Variants in UNC5D observed in about 807,000 individuals in gnomAD.
UNC5D encodes the protein unc-5 netrin receptor D.
UNC5D carries 39 observed loss-of-function variants against 105.4 expected under a neutral mutation model. The ratio of observed to expected loss-of-function variants is 0.37; its 90% CI spans 0.29 to 0.48. The LOEUF (loss-of-function observed/expected upper bound fraction) is 0.48. Ranked by LOEUF, UNC5D falls within the 20% of genes least tolerant of loss-of-function variation. The pLI, the probability that UNC5D is intolerant of heterozygous loss-of-function variation, is 0.98. For missense variants in UNC5D, 991 were observed against 1,202.4 expected (o/e 0.82, Z 2.60); for synonymous variants, 452 against 450.4 (o/e 1.00, Z -0.04).
chr8:35,305,718 T>C (rs1808348911), intron 1 of UNC5D, among the ~76,000 whole-genome samples: 1 of 148,938 alleles, frequency 6.7e-6, no homozygotes. Context: ...TGACTCCCTC[T>C]CTTTCTCTTT....
At chr8:35,457,314 G>T (rs1808561720) in intron 1 of UNC5D, among the ~76,000 whole-genome samples, 2 of 152,216 alleles carry the variant, frequency 1.3e-5, no homozygotes, top group South Asian at 2.1e-4. Context: ...CAGACTAGAG[G>T]CTCTCCTAGT....
intron 4 of UNC5D, among the ~76,000 whole-genome samples, chr8:35,667,353 G>A (rs1437980448): frequency 6.6e-6 from 1 of 152,166 alleles, no homozygotes; most frequent in East Asian, 1.9e-4. Context: ...AAGGCTGATG[G>A]CGTGGCCATT....
At chr8:35,628,144 T>C (rs899286176) in intron 4 of UNC5D, among the ~76,000 whole-genome samples, 15 of 151,842 alleles carry the variant, frequency 9.9e-5, no homozygotes, top group African/African-American at 3.4e-4. Context: ...TACTTACTTA[T>C]TTTTTTTGAG....
intron 1 of UNC5D, among the ~76,000 whole-genome samples, chr8:35,466,247 G>C (rs922638208): frequency 6.6e-6 from 1 of 152,150 alleles, no homozygotes; most frequent in Non-Finnish European, 1.5e-5. Context: ...TCAAGGTCCA[G>C]TACTAATATC....
intron 7 of UNC5D, among the ~76,000 whole-genome samples, chr8:35,704,753 C>T (rs1397265650): frequency 6.6e-6 from 1 of 152,072 alleles, no homozygotes; most frequent in Non-Finnish European, 1.5e-5. Context: ...TTGTGTGAGC[C>T]TGAGATGGAC....
intron 1 of UNC5D, among the ~76,000 whole-genome samples, chr8:35,503,230 C>T (rs1164598628): frequency 6.6e-6 from 1 of 152,036 alleles, no homozygotes; most frequent in Admixed American, 6.6e-5. Flanking sequence ...TGTATTAGTC[C>T]GTTTTCATGC....
Position 35,567,098 on chromosome 8 carries a change from A to C in UNC5D, c.323-1000A>C, listed in dbSNP as rs566670410. 1.8e-4 allele frequency among the ~76,000 whole-genome samples: 28 copies of C among 152,128 alleles called. 2 individuals carry two copies. In the South Asian group the frequency reaches 5.6e-3, roughly 30 times the overall value. ...AACAAAAAAAAAAAAAACCATTAAAAGGTTGTGGTCTTAATAGCTGCATCT... is the reference window on the plus strand; with the variant it reads ...AACAAAAAAAAAAAAAACCATTAAACGGTTGTGGTCTTAATAGCTGCATCT... On this transcript the variant is annotated intron_variant, in intron 2 of 16. Coordinates refer to ENST00000404895, the MANE Select transcript of UNC5D (RefSeq NM_080872.4).
chr8:35,387,108 C>T (rs1238361937), intron 1 of UNC5D, among the ~76,000 whole-genome samples: 1 of 151,748 alleles, frequency 6.6e-6, no homozygotes, highest in Non-Finnish European at 1.5e-5. Context: ...CACCTGTAAT[C>T]CCAGCACTTT....
chr8:35,560,512 C>A (rs1262943423), intron 2 of UNC5D, among the ~76,000 whole-genome samples: 1 of 152,044 alleles, frequency 6.6e-6, no homozygotes, highest in Non-Finnish European at 1.5e-5. Flanking sequence ...GTATGTATAT[C>A]ATTTGATCAG....
intron 13 of UNC5D, among the ~76,000 whole-genome samples, chr8:35,756,479 C>T (rs1830525204): frequency 1.3e-5 from 2 of 149,320 alleles, no homozygotes; most frequent in Admixed American, 1.3e-4. Context: ...TCATCTTATA[C>T]ATATATCCTG....
intron 4 of UNC5D, among the ~76,000 whole-genome samples, chr8:35,634,498 T>C (rs1195237573): frequency 6.6e-6 from 1 of 152,158 alleles, no homozygotes; most frequent in Non-Finnish European, 1.5e-5. Context: ...GTTAGAGCTT[T>C]GTGAATTCAT....
intron 4 of UNC5D, among the ~76,000 whole-genome samples, chr8:35,652,811 G>T (rs550030540): frequency 4.0e-5 from 6 of 150,370 alleles, no homozygotes; most frequent in Non-Finnish European, 5.9e-5. Flanking sequence ...TCTCTGGGGA[G>T]CCTGTATTCT....
At chr8:35,283,466 A>G (rs1806350116) in intron 1 of UNC5D, among the ~76,000 whole-genome samples, 1 of 152,120 alleles carries the variant, frequency 6.6e-6, no homozygotes, top group Non-Finnish European at 1.5e-5. Context: ...GGAGCTTTAA[A>G]AATGCTCATA....
At chr8:35,272,731 A>T (rs1253001581) in intron 1 of UNC5D, among the ~76,000 whole-genome samples, 1 of 152,180 alleles carries the variant, frequency 6.6e-6, no homozygotes, top group East Asian at 1.9e-4. Context: ...ACAGTTCGCC[A>T]CTTCTACATA....
intron 1 of UNC5D, among the ~76,000 whole-genome samples, chr8:35,449,761 T>C (rs1312492680): frequency 6.6e-6 from 1 of 152,120 alleles, no homozygotes; most frequent in Non-Finnish European, 1.5e-5. Flanking sequence ...CCTGACCTAC[T>C]GTTTGCACAT....
chr8:35,389,516 T>C (rs1313507639), intron 1 of UNC5D, among the ~76,000 whole-genome samples: 2 of 152,188 alleles, frequency 1.3e-5, no homozygotes, highest in African/African-American at 2.4e-5. Context: ...ATGAAAATCC[T>C]GATGCCCCCT....
chr8:35,429,295 T>A (rs545175094), intron 1 of UNC5D, among the ~76,000 whole-genome samples: 1 of 152,282 alleles, frequency 6.6e-6, no homozygotes, highest in South Asian at 2.1e-4. Context: ...GAGATAGCAA[T>A]GAAATGAGAT....
In UNC5D at chr8:35,413,315, CTCT is replaced by C. The variant is rs578035897; in HGVS notation, c.104-135971_104-135969del. ...TGTTGTGTGTGTGTGTGTGTTTTCT[CTCT>C]TCTTCACTGTTTTGGGCAAATTGGA... On this transcript the variant is annotated intron_variant, in intron 1 of 16. Coordinates refer to ENST00000404895, the MANE Select transcript of UNC5D (RefSeq NM_080872.4). Among the ~76,000 whole-genome samples, 153 of 118,664 alleles carry C rather than the reference CTCT, an allele frequency of 1.3e-3. 1 individual carries two copies. The highest frequency in any genetic ancestry group is 3.1e-3 in the Admixed American group (35 of 11,236). 77.8% of individuals were successfully genotyped at this position (118,664 alleles called of 152,430 possible). A position where few individuals can be genotyped will look rare whatever the true frequency, so the allele number is the denominator to read the frequency against.
intron 4 of UNC5D, among the ~76,000 whole-genome samples, chr8:35,660,890 A>C (rs1175316276): frequency 6.6e-6 from 1 of 152,078 alleles, no homozygotes; most frequent in Non-Finnish European, 1.5e-5. Context: ...CCAAGAGATC[A>C]AGACCAGCCT....
Sources: gnomAD v4.1 joint callset for allele counts (sites outside exome capture counted in the v4.1 genomes callset) on GRCh38, gnomAD v4.1.1 for gene constraint, MANE v1.5 for transcripts, NCBI Gene and HGNC (gene_info 2026-07-23, HGNC 2026-07-21) for gene names.